The following XKR5 variants were observed in gnomAD, a reference collection of about 807,000 sequenced individuals.
XKR5 encodes XK-related protein 5.
XKR5 carries 46 observed loss-of-function variants against 40.8 expected under a neutral mutation model. The ratio of observed to expected loss-of-function variants is 1.13; its 90% CI spans 0.89 to 1.44. The LOEUF (loss-of-function observed/expected upper bound fraction) is 1.44, where lower values mean the gene tolerates loss of function less well. Among genes scored for constraint, XKR5 ranks in the 40% most tolerant of loss-of-function variants. The pLI is 0.00. For missense variants in XKR5, 1,169 were observed against 844.7 expected, an observed-to-expected ratio of 1.38 and a Z score of -4.76; for synonymous variants, 466 against 356.1, an observed-to-expected ratio of 1.31 and a Z score of -3.48.
intron 2 of XKR5, among the ~76,000 whole-genome samples, chr8:6,829,468 T>A (rs1038662778): frequency 1.3e-5 from 2 of 152,214 alleles, no homozygotes; most frequent in Non-Finnish European, 2.9e-5. Context: ...TATGTATTAT[T>A]GGGAACGTTA....
intron 4 of XKR5, among the ~76,000 whole-genome samples, chr8:6,822,580 G>A (rs1206826863): frequency 1.3e-5 from 2 of 151,882 alleles, no homozygotes; most frequent in African/African-American, 4.8e-5. Flanking sequence ...TATCTTTTTG[G>A]CCAATAACTG....
chr8:6,835,076 G>C (rs1804950828), intron 1 of XKR5, among the ~76,000 whole-genome samples: 1 of 152,166 alleles, frequency 6.6e-6, no homozygotes, highest in Non-Finnish European at 1.5e-5. Context: ...TGCAAAGCTT[G>C]TGATGGAAGG....
At chr8:6,829,452 A>G (rs1804660810) in intron 2 of XKR5, 1 of 160,482 alleles carries the variant, frequency 6.2e-6, no homozygotes, top group African/African-American at 2.4e-5. Flanking sequence ...CTTAAAATGA[A>G]CATAGTATGT....
At chr8:6,814,439 A>G (rs954964811) in intron 6 of XKR5, among the ~76,000 whole-genome samples, 3 of 152,158 alleles carry the variant, frequency 2.0e-5, no homozygotes, top group African/African-American at 4.8e-5. Flanking sequence ...TAATAGAAAC[A>G]GAGAACAGAA....
chr8:6,832,384 G>T (rs1804809534), intron 2 of XKR5, among the ~76,000 whole-genome samples: 1 of 152,282 alleles, frequency 6.6e-6, no homozygotes. Context: ...GTGTGCAGAT[G>T]GAACTGCCTT....
chr8:6,830,014 T>G (rs1804687165), intron 2 of XKR5, among the ~76,000 whole-genome samples: 1 of 151,898 alleles, frequency 6.6e-6, no homozygotes, highest in African/African-American at 2.4e-5. Context: ...ATTTTTTGTA[T>G]TTTTAGTAGA....
rs1386808162 is a variant in XKR5 at position 6,809,213 on chromosome 8, T to C, written c.*1985A>G. ...GGAAGTGCTCATGCTCTCACCTGGC[T>C]GGGCGAGAGACTGCATGGAGGAAGG... On this transcript the variant is annotated 3_prime_UTR_variant, in exon 7 of 7. Coordinates refer to ENST00000618742, the MANE Select transcript of XKR5 (RefSeq NM_207411.5). The C allele has an allele frequency of 1.3e-5, 2 of 152,204 alleles. No individual in the cohort carries two copies. The highest frequency in any genetic ancestry group is 4.8e-5 in the African/African-American group (2 of 41,410). 9.4% of individuals were successfully genotyped at this position (152,204 alleles called of 1,614,324 possible). A position where few individuals can be genotyped will look rare whatever the true frequency, so the allele number is the denominator to read the frequency against.
chr8:6,823,457 G>C, intron 4 of XKR5, 64 bp downstream of exon 4: 1 of 1,500,496 alleles, frequency 6.7e-7, no homozygotes, highest in Non-Finnish European at 9.1e-7. Context: ...TTATTCTTGA[G>C]ACCTTCATTT....
intron 3 of XKR5, among the ~76,000 whole-genome samples, chr8:6,824,937 T>G (rs915647746): frequency 1.3e-5 from 2 of 152,236 alleles, no homozygotes; most frequent in African/African-American, 4.8e-5. Flanking sequence ...TTCTATCTTA[T>G]GGGCTGACTT....
At chr8:6,826,446 T>A (rs1804482665) in intron 2 of XKR5, among the ~76,000 whole-genome samples, 1 of 151,908 alleles carries the variant, frequency 6.6e-6, no homozygotes, top group Admixed American at 6.6e-5. Context: ...GTCCTAGGAA[T>A]GGAAAGTAGG....
At chr8:6,817,214 C>G (rs1183890230) in intron 5 of XKR5, among the ~76,000 whole-genome samples, 3 of 152,186 alleles carry the variant, frequency 2.0e-5, no homozygotes, top group Non-Finnish European at 4.4e-5. Flanking sequence ...CCACTTCACC[C>G]AGAGATTGCA....
chr8:6,822,517 T>A (rs907878560), intron 4 of XKR5, among the ~76,000 whole-genome samples: 5 of 152,196 alleles, frequency 3.3e-5, no homozygotes, highest in Admixed American at 6.5e-5. Flanking sequence ...AAAAAAAGAA[T>A]AACAAAATAG....
At chr8:6,831,339 G>A (rs904607273) in intron 2 of XKR5, among the ~76,000 whole-genome samples, 9 of 152,174 alleles carry the variant, frequency 5.9e-5, no homozygotes, top group African/African-American at 1.9e-4. Context: ...CACCAAGGCC[G>A]AGCTTTTGGC....
intron 1 of XKR5, 23 bp downstream of exon 1, chr8:6,835,413 C>A: frequency 6.9e-7 from 1 of 1,458,534 alleles, no homozygotes; most frequent in Admixed American, 2.5e-5. Flanking sequence ...GGGGTGAGCA[C>A]AGCCTCGGGC....
At position 6,811,948 on chromosome 8, in the gene XKR5, C is replaced by G; in HGVS notation, c.1311G>C (p.Gly437=). The G allele has an allele frequency of 6.5e-7, 1 of 1,537,344 alleles. No homozygotes were observed. Among genetic ancestry groups the G allele is most frequent in the Non-Finnish European group, 8.7e-7 (1 of 1,146,946 alleles). ...TCTGCAGGTAGTCCTGTTGACTCAA[C>G]CCCCATGCAGGTGGACAATAGGCAG... is the stretch of plus-strand genomic sequence containing the variant. ...NSPAYCPPAW[G]LSQQDYLQRK... The change falls in exon 7 of 7, where the codon GGG becomes GGC. Residue 437 remains glycine (G), a synonymous_variant. Transcript: ENST00000618742.
chr8:6,828,012 T>C (rs2117111929), intron 2 of XKR5, among the ~76,000 whole-genome samples: 1 of 152,034 alleles, frequency 6.6e-6, no homozygotes, highest in Non-Finnish European at 1.5e-5. Flanking sequence ...AGGCTGCAAG[T>C]GAGCCATAAT....
intron 5 of XKR5, among the ~76,000 whole-genome samples, chr8:6,821,564 T>C (rs1156502487): frequency 6.6e-6 from 1 of 152,190 alleles, no homozygotes; most frequent in African/African-American, 2.4e-5. Flanking sequence ...TATATGATAT[T>C]ATACAGTTGA....
At chr8:6,834,758 A>G (rs1804934658) in intron 1 of XKR5, among the ~76,000 whole-genome samples, 1 of 144,952 alleles carries the variant, frequency 6.9e-6, no homozygotes, top group African/African-American at 2.9e-5. Context: ...CCGGCACTGA[A>G]GGAGTTACGC....
At chr8:6,822,213 T>G (rs1341239348) in intron 4 of XKR5, among the ~76,000 whole-genome samples, 175 bp from the exon 5 acceptor site, 2 of 152,208 alleles carry the variant, frequency 1.3e-5, no homozygotes, top group African/African-American at 4.8e-5. Context: ...ACAGTTTATC[T>G]TTGCATGTAT....
Sources: allele counts gnomAD v4.1 joint callset (sites outside exome capture counted in the v4.1 genomes callset), GRCh38; gene constraint gnomAD v4.1.1; transcripts MANE v1.5; gene names NCBI Gene and HGNC (gene_info 2026-07-23, HGNC 2026-07-21).